Variants in MECOM observed in about 807,000 individuals in gnomAD.
The protein encoded by MECOM is histone-lysine N-methyltransferase MECOM.
In MECOM, 13 loss-of-function variants were observed where a neutral mutation model predicts 116.3. The ratio of observed to expected loss-of-function variants is 0.11; its 90% CI spans 0.07 to 0.18. MECOM has a LOEUF of 0.18. MECOM is among the 10% of genes least tolerant of loss of function. The pLI, the probability that MECOM is intolerant of heterozygous loss-of-function variation, is 1.00. For missense variants in MECOM, 1,299 were observed against 1,509.0 expected (o/e 0.86, Z 2.31); for synonymous variants, 528 against 535.2 (o/e 0.99, Z 0.19).
At position 169,378,563 on chromosome 3, in the gene MECOM, AAAGAAAGAAAGAAAGAAAGAAAGT is replaced by A. The variant is rs1560198580; in HGVS notation, c.375+2600_375+2623del. 8.2e-3 allele frequency among the ~76,000 whole-genome samples: 1,129 copies of A among 138,482 alleles called. 118 individuals carry two copies. Among genetic ancestry groups the A allele is most frequent in the African/African-American group, 0.022 (743 of 34,348 alleles). The allele number at this position is 138,482 out of a possible 152,430, so 90.8% of individuals were successfully genotyped here. On this transcript the variant is annotated intron_variant, in intron 2 of 16. Coordinates refer to ENST00000651503, the MANE Select transcript of MECOM (RefSeq NM_004991.4). ...GAAAGAAAGAAAGAAAGAAAGAAAG[AAAGAAAGAAAGAAAGAAAGAAAGT>A]AAGTAAGTAAGTTTGGGGACTTAAT... is the stretch of plus-strand genomic sequence containing the variant.
intron 2 of MECOM, among the ~76,000 whole-genome samples, chr3:169,255,189 G>A (rs1756717079): frequency 6.6e-6 from 1 of 152,172 alleles, no homozygotes; most frequent in African/African-American, 2.4e-5. Flanking sequence ...AGAGAAAAGA[G>A]AGTTGATATC....
intron 1 of MECOM, among the ~76,000 whole-genome samples, chr3:169,385,365 G>T (rs1733153000): frequency 6.6e-6 from 1 of 152,004 alleles, no homozygotes; most frequent in Admixed American, 6.6e-5. Context: ...AACTTACATA[G>T]GTCAAGCAAA....
At chr3:169,236,746 T>C (rs1654511773) in intron 2 of MECOM, among the ~76,000 whole-genome samples, 1 of 152,208 alleles carries the variant, frequency 6.6e-6, no homozygotes, top group Admixed American at 6.5e-5. Flanking sequence ...ATAAGTAACA[T>C]ATATTTATAC....
At chr3:169,140,372 T>C (rs1737737110) in intron 3 of MECOM, among the ~76,000 whole-genome samples, 1 of 152,120 alleles carries the variant, frequency 6.6e-6, no homozygotes, top group Non-Finnish European at 1.5e-5. Context: ...TTAATGGATC[T>C]ATTATTTTAT....
intron 1 of MECOM, among the ~76,000 whole-genome samples, chr3:169,549,374 C>T (rs1470204138): frequency 4.1e-5 from 6 of 146,298 alleles, no homozygotes; most frequent in Non-Finnish European, 9.0e-5. Context: ...GACCAAACAG[C>T]ATTAAAGAGA....
intron 2 of MECOM, among the ~76,000 whole-genome samples, chr3:169,247,566 A>G (rs1755750931): frequency 6.6e-6 from 1 of 152,202 alleles, no homozygotes; most frequent in South Asian, 2.1e-4. Context: ...GGCCTCCCAA[A>G]GTGCTGGGAT....
intron 2 of MECOM, among the ~76,000 whole-genome samples, chr3:169,328,838 G>A (rs1490358844): frequency 6.6e-6 from 1 of 152,108 alleles, no homozygotes; most frequent in Non-Finnish European, 1.5e-5. Flanking sequence ...GACACCTGGA[G>A]ACATGATTGT....
At chr3:169,284,186 G>A (rs1427958133) in intron 2 of MECOM, among the ~76,000 whole-genome samples, 1 of 152,138 alleles carries the variant, frequency 6.6e-6, no homozygotes, top group African/African-American at 2.4e-5. Context: ...ATGCGATAAG[G>A]GAAAATGAAG....
In MECOM at chr3:169,084,597, T is replaced by G; in HGVS notation, c.*312A>C. The G allele has an allele frequency of 6.3e-6, 2 of 316,048 alleles. No individual in the cohort carries two copies. Among genetic ancestry groups the G allele is most frequent in the Non-Finnish European group, 1.2e-5 (2 of 169,644 alleles). The allele number at this position is 316,048 out of a possible 1,614,324, so 19.6% of individuals were successfully genotyped here. A position where few individuals can be genotyped will look rare whatever the true frequency, so the allele number is the denominator to read the frequency against. ...CTGCCCTTCTCACCCACCCATACCC[T>G]AAGGTGGGGTAAACTGGAAGATGCC... On this transcript the variant is annotated 3_prime_UTR_variant, in exon 17 of 17. Transcript: ENST00000651503.
At chr3:169,632,190 AATAT>A (rs151117390) in intron 1 of MECOM, among the ~76,000 whole-genome samples, 1 of 140,132 alleles carries the variant, frequency 7.1e-6, no homozygotes. Context: ...TCTGGAGAGA[AATAT>A]ATATATATAT....
Position 169,381,233 on chromosome 3 carries a change from A to T in MECOM, c.329T>A (p.Val110Glu). 6.2e-7 allele frequency: 1 copy of T among 1,613,234 alleles called. No individual in the cohort carries two copies. The highest frequency in any genetic ancestry group is 8.5e-7 in the Non-Finnish European group (1 of 1,179,282). The change falls in exon 2 of 17, where the codon GTG becomes GAG. Residue 110 changes from valine (V) to glutamate (E), a missense_variant. Transcript: ENST00000651503. ...TTTCAGGTTTGACCTCTGCTCTCCC[A>T]CATAAGGCCCAAACTTTTCACCTAC... ...IEVGEKFGPY[V>E]GEQRSNLKDP...
intron 2 of MECOM, among the ~76,000 whole-genome samples, chr3:169,266,738 T>A (rs1474181341): frequency 6.6e-6 from 1 of 152,144 alleles, no homozygotes; most frequent in African/African-American, 2.4e-5. Context: ...TTATTATGCT[T>A]CCAAATCCTA....
intron 14 of MECOM, among the ~76,000 whole-genome samples, chr3:169,090,648 G>A (rs1719405277): frequency 6.6e-6 from 1 of 151,390 alleles, no homozygotes; most frequent in Non-Finnish European, 1.5e-5. Flanking sequence ...ATCACTCATG[G>A]GCCGTAGCTA....
chr3:169,339,853 A>C (rs893925492), intron 2 of MECOM, among the ~76,000 whole-genome samples: 2 of 152,154 alleles, frequency 1.3e-5, no homozygotes, highest in African/African-American at 2.4e-5. Context: ...TGATTTCTCT[A>C]ATTAAATTTT....
chr3:169,084,861 G>A lies in MECOM; in HGVS notation c.*48C>T. ...CTTGTAAATAGTCCTATATGAAAGA[G>A]CCATGCTACTGTTGGACTTGGTCCC... On this transcript the variant is annotated 3_prime_UTR_variant, in exon 17 of 17. Transcript: ENST00000651503. 3 of 1,610,882 alleles carry A rather than the reference G, an allele frequency of 1.9e-6. No individual in the cohort carries two copies. The highest frequency in any genetic ancestry group is 2.5e-6 in the Non-Finnish European group (3 of 1,177,718).
chr3:169,191,863 T>C (rs998682650), intron 2 of MECOM, among the ~76,000 whole-genome samples: 1 of 151,956 alleles, frequency 6.6e-6, no homozygotes, highest in Non-Finnish European at 1.5e-5. Context: ...CACTAAAATC[T>C]GATTTGGTGG....
intron 2 of MECOM, 129 bp from the exon 3 acceptor site, chr3:169,143,961 G>T: frequency 9.2e-7 from 1 of 1,081,204 alleles, no homozygotes. Flanking sequence ...CAGATCACAA[G>T]CACATTAATA....
intron 10 of MECOM, 59 bp from the exon 11 acceptor site, chr3:169,102,285 T>C: frequency 6.7e-7 from 1 of 1,493,986 alleles, no homozygotes; most frequent in Non-Finnish European, 9.0e-7. Context: ...TATAATAATC[T>C]CTGGCAAACC....
chr3:169,111,368 T>C (rs576967585), intron 9 of MECOM, among the ~76,000 whole-genome samples: 96 of 152,274 alleles, frequency 6.3e-4, no homozygotes, highest in African/African-American at 2.2e-3. Flanking sequence ...AATGTATACA[T>C]GAATATTATA....
Sources: allele counts gnomAD v4.1 joint callset (sites outside exome capture counted in the v4.1 genomes callset), GRCh38; gene constraint gnomAD v4.1.1; transcripts MANE v1.5; gene names NCBI Gene and HGNC (gene_info 2026-07-23, HGNC 2026-07-21).